Variants in CCDC192 observed in about 807,000 individuals in gnomAD.
The protein encoded by CCDC192 is coiled-coil domain-containing protein 192.
intron 6 of CCDC192, among the ~76,000 whole-genome samples, chr5:127,903,432 G>T (rs538956095): frequency 6.6e-6 from 1 of 151,992 alleles, no homozygotes; most frequent in Non-Finnish European, 1.5e-5. Context: ...TAGTAGAGAC[G>T]GGGTTTTGCC....
chr5:127,884,832 T>C (rs1224879152), intron 6 of CCDC192, among the ~76,000 whole-genome samples: 1 of 152,226 alleles, frequency 6.6e-6, no homozygotes, highest in Non-Finnish European at 1.5e-5. Flanking sequence ...ACATTTCTCT[T>C]CTTTTTTCTC....
chr5:127,720,779 C>T (rs752469714), intron 2 of CCDC192, among the ~76,000 whole-genome samples: 1 of 152,194 alleles, frequency 6.6e-6, no homozygotes, highest in Non-Finnish European at 1.5e-5. Flanking sequence ...AGGCTTAACA[C>T]CACATGGAAG....
At chr5:127,719,709 C>G (rs934231143) in intron 2 of CCDC192, among the ~76,000 whole-genome samples, 11 of 151,082 alleles carry the variant, frequency 7.3e-5, no homozygotes, top group Non-Finnish European at 1.5e-4. Flanking sequence ...AGAGGATGAA[C>G]TGGCTCAGGG....
chr5:127,825,146 T>A (rs1749467043), intron 5 of CCDC192, among the ~76,000 whole-genome samples: 1 of 152,224 alleles, frequency 6.6e-6, no homozygotes, highest in South Asian at 2.1e-4. Context: ...GATAATCACT[T>A]AGAAAAGGTT....
chr5:127,711,099 T>C (rs1019617104), intron 2 of CCDC192, among the ~76,000 whole-genome samples: 2 of 152,210 alleles, frequency 1.3e-5, no homozygotes, highest in African/African-American at 2.4e-5. Context: ...GGATCACGAC[T>C]GCTCCCTCTG....
upstream of CCDC192, among the ~76,000 whole-genome samples, chr5:127,702,340 T>C (rs927237109): frequency 1.3e-5 from 2 of 152,044 alleles, no homozygotes. Flanking sequence ...GCTAACTACA[T>C]GCAAGGCCGA....
chr5:127,867,163 G>A (rs1267910223), intron 5 of CCDC192, among the ~76,000 whole-genome samples: 3 of 152,154 alleles, frequency 2.0e-5, no homozygotes, highest in Non-Finnish European at 4.4e-5. Context: ...GGTGAATTAA[G>A]TACCTTGGTA....
chr5:127,840,490 T>A (rs1341824364), intron 5 of CCDC192, among the ~76,000 whole-genome samples: 2 of 152,212 alleles, frequency 1.3e-5, no homozygotes, highest in East Asian at 3.9e-4. Context: ...AATAAAGACA[T>A]ACATATAGGA....
chr5:127,899,795 A>T (rs1274546644), intron 6 of CCDC192, among the ~76,000 whole-genome samples: 2 of 152,140 alleles, frequency 1.3e-5, no homozygotes, highest in African/African-American at 4.8e-5. Flanking sequence ...ATCTTCGAAT[A>T]TTTACCCAAA....
At chr5:127,928,767 A>G (rs1172094646) in intron 6 of CCDC192, among the ~76,000 whole-genome samples, 5 of 151,174 alleles carry the variant, frequency 3.3e-5, no homozygotes, top group African/African-American at 9.8e-5. Flanking sequence ...TAGCCATGTT[A>G]TTCTTTTTTT....
chr5:127,876,851 T>A (rs1181667245), intron 6 of CCDC192, among the ~76,000 whole-genome samples: 1 of 152,216 alleles, frequency 6.6e-6, no homozygotes, highest in Admixed American at 6.5e-5. Flanking sequence ...GTATAGTGCT[T>A]TCCCAGGATT....
At chr5:127,853,940 G>A (rs988349651) in intron 5 of CCDC192, among the ~76,000 whole-genome samples, 3 of 152,006 alleles carry the variant, frequency 2.0e-5, no homozygotes, top group Non-Finnish European at 4.4e-5. Flanking sequence ...TGCACCACTC[G>A]CTTTTCACCC....
intron 6 of CCDC192, among the ~76,000 whole-genome samples, chr5:127,927,900 G>A (rs1561555234): frequency 6.7e-6 from 1 of 148,674 alleles, no homozygotes; most frequent in Non-Finnish European, 1.5e-5. Context: ...TAGTATAACA[G>A]TAGCTTAAAA....
At chr5:127,842,498 A>G (rs781506723) in intron 5 of CCDC192, among the ~76,000 whole-genome samples, 2 of 152,168 alleles carry the variant, frequency 1.3e-5, no homozygotes, top group Non-Finnish European at 2.9e-5. Flanking sequence ...GATTACAGGC[A>G]TGAGCTACTG....
At chr5:127,808,606 A>G (rs1297126149) in intron 5 of CCDC192, among the ~76,000 whole-genome samples, 1 of 152,162 alleles carries the variant, frequency 6.6e-6, no homozygotes, top group African/African-American at 2.4e-5. Context: ...CTCTAGGTTC[A>G]GGCCTCCATC....
intron 6 of CCDC192, among the ~76,000 whole-genome samples, chr5:127,921,846 T>A (rs150429965): frequency 5.6e-4 from 85 of 152,280 alleles, no homozygotes; most frequent in African/African-American, 2.0e-3. Flanking sequence ...CGAGAGTATA[T>A]CTTAGAATAT....
At chr5:127,708,574 A>G (rs751679027) in intron 2 of CCDC192, among the ~76,000 whole-genome samples, 60 of 152,212 alleles carry the variant, frequency 3.9e-4, no homozygotes, top group Non-Finnish European at 7.5e-4. Context: ...GAGAAAAATT[A>G]CAGACTAAGA....
chr5:127,853,951 C>T (rs1561524224), intron 5 of CCDC192, among the ~76,000 whole-genome samples: 1 of 152,156 alleles, frequency 6.6e-6, no homozygotes, highest in Non-Finnish European at 1.5e-5. Context: ...CTTTTCACCC[C>T]ACCCTTTCAA....
At chr5:127,883,315 G>T (rs1419845595) in intron 6 of CCDC192, among the ~76,000 whole-genome samples, 1 of 152,132 alleles carries the variant, frequency 6.6e-6, no homozygotes, top group Non-Finnish European at 1.5e-5. Flanking sequence ...ACCAAGATGG[G>T]ATATTTTACA....
Sources: gnomAD v4.1 joint callset for allele counts (sites outside exome capture counted in the v4.1 genomes callset) on GRCh38, gnomAD v4.1.1 for gene constraint, MANE v1.5 for transcripts, NCBI Gene and HGNC (gene_info 2026-07-23, HGNC 2026-07-21) for gene names.